Variants in PDZRN4 observed in about 807,000 individuals in gnomAD.
The protein encoded by PDZRN4 is PDZ domain-containing RING finger protein 4.
PDZRN4 carries 70 observed loss-of-function variants against 99.0 expected under a neutral mutation model. The observed-to-expected ratio is 0.71, with a 90% CI of 0.58 to 0.86. The LOEUF (loss-of-function observed/expected upper bound fraction) is 0.86. Among genes scored for constraint, PDZRN4 ranks in the 40% least tolerant of loss-of-function variants. The pLI, the probability that PDZRN4 is intolerant of heterozygous loss-of-function variation, is 0.00. For missense variants in PDZRN4, 1,474 were observed against 1,331.2 expected (o/e 1.11, Z -1.67); for synonymous variants, 551 against 501.6 (o/e 1.10, Z -1.32).
At chr12:41,296,871 T>C (rs1401471518) in intron 3 of PDZRN4, among the ~76,000 whole-genome samples, 2 of 152,018 alleles carry the variant, frequency 1.3e-5, no homozygotes, top group African/African-American at 4.8e-5. Flanking sequence ...GGTGGGAGGA[T>C]CACTTGAGCC....
chr12:41,189,127 G>T lies in PDZRN4; in HGVS notation c.648+24G>T, dbSNP rs1204264551. On this transcript the variant is annotated intron_variant, in intron 1 of 9. Coordinates refer to ENST00000402685, the MANE Select transcript of PDZRN4 (RefSeq NM_001164595.2). ...GGGTAAGCAAAGGGGGGTGGGCACCGCGGGCATGGTCGATTGGGGTGGGAA... is the reference window on the plus strand; with the variant it reads ...GGGTAAGCAAAGGGGGGTGGGCACCTCGGGCATGGTCGATTGGGGTGGGAA... 3.2e-6 allele frequency: 5 copies of T among 1,569,490 alleles called. No homozygotes were observed. The East Asian group carries it at 1.2e-4, about 36-fold the overall frequency.
intron 3 of PDZRN4, among the ~76,000 whole-genome samples, chr12:41,442,389 A>G (rs1248119372): frequency 6.6e-6 from 1 of 151,812 alleles, no homozygotes; most frequent in Non-Finnish European, 1.5e-5. Context: ...AATCTCTCCC[A>G]CCTTCGGACT....
rs760877122 is a variant in PDZRN4, at chr12:41,188,763, A to G, written c.308A>G (p.His103Arg). The G allele has an allele frequency of 9.0e-6, 13 of 1,449,884 alleles. No individual in the cohort carries two copies. The highest frequency in any genetic ancestry group is 1.5e-5 in the African/African-American group (1 of 68,034). 89.8% of individuals were successfully genotyped at this position (1,449,884 alleles called of 1,614,324 possible). The change falls in exon 1 of 10, where the codon CAC (histidine) becomes CGC (arginine). Residue 103 changes from histidine (H) to arginine (R), a missense_variant. His to Arg is a conservative substitution (Grantham distance 29). Coordinates refer to ENST00000402685, the MANE Select transcript of PDZRN4 (RefSeq NM_001164595.2). ...RLHELEAHVE[H>R]CDFGPARRLR... ...CACGAGCTGGAGGCGCACGTCGAGCACTGCGACTTCGGCCCTGCCCGCCGG... is the reference window on the plus strand; with the variant it reads ...CACGAGCTGGAGGCGCACGTCGAGCGCTGCGACTTCGGCCCTGCCCGCCGG...
At chr12:41,522,097 A>G (rs1311909562) in intron 5 of PDZRN4, among the ~76,000 whole-genome samples, 1 of 152,170 alleles carries the variant, frequency 6.6e-6, no homozygotes, top group Admixed American at 6.6e-5. Flanking sequence ...CCAAGTAAAG[A>G]CAGTTACAAA....
At chr12:41,349,279 G>A (rs1484939369) in intron 3 of PDZRN4, among the ~76,000 whole-genome samples, 1 of 151,744 alleles carries the variant, frequency 6.6e-6, no homozygotes, top group Non-Finnish European at 1.5e-5. Flanking sequence ...GAGACTATAA[G>A]AAGGGGAATT....
intron 5 of PDZRN4, among the ~76,000 whole-genome samples, chr12:41,516,391 T>C (rs1205102443): frequency 6.6e-6 from 1 of 152,078 alleles, no homozygotes; most frequent in Admixed American, 6.6e-5. Flanking sequence ...GCTACTATTC[T>C]TATTTTATAA....
At chr12:41,372,303 A>G (rs1326567019) in intron 3 of PDZRN4, among the ~76,000 whole-genome samples, 3 of 152,186 alleles carry the variant, frequency 2.0e-5, no homozygotes, top group Non-Finnish European at 4.4e-5. Flanking sequence ...ATGTATTTCT[A>G]CTATATGGTG....
intron 3 of PDZRN4, among the ~76,000 whole-genome samples, chr12:41,434,966 T>G (rs1194436475): frequency 6.6e-6 from 1 of 152,218 alleles, no homozygotes; most frequent in Non-Finnish European, 1.5e-5. Context: ...ACCATCATAT[T>G]CTAATGAAAT....
intron 3 of PDZRN4, among the ~76,000 whole-genome samples, chr12:41,336,119 C>A (rs1281021959): frequency 1.3e-5 from 2 of 152,104 alleles, no homozygotes; most frequent in African/African-American, 4.8e-5. Context: ...GGACGCAACA[C>A]AATCCATTAT....
At chr12:41,284,768 T>G (rs1951411609) in intron 3 of PDZRN4, among the ~76,000 whole-genome samples, 1 of 152,180 alleles carries the variant, frequency 6.6e-6, no homozygotes, top group Non-Finnish European at 1.5e-5. Context: ...AAGGATTCCA[T>G]GTTTAATAAA....
rs1951542929 is a variant in PDZRN4, at chr12:41,302,555, A to G, written c.843+108367A>G. On this transcript the variant is annotated intron_variant, in intron 3 of 9. Coordinates refer to ENST00000402685, the MANE Select transcript of PDZRN4 (RefSeq NM_001164595.2). ...CACATGCTCTTTATATACCTCTCAT[A>G]GACACTTAAATTGTTCTCTAGGGAG... Among the ~76,000 whole-genome samples, 16 of 152,284 alleles carry G rather than the reference A, an allele frequency of 1.1e-4. 1 individual carries two copies. The South Asian group carries it at 3.1e-3, about 30-fold the overall frequency.
intron 3 of PDZRN4, among the ~76,000 whole-genome samples, chr12:41,294,071 T>C (rs1238582194): frequency 6.6e-6 from 1 of 152,210 alleles, no homozygotes; most frequent in Non-Finnish European, 1.5e-5. Flanking sequence ...TTTGTTTTTG[T>C]TTCTTTTTTT....
chr12:41,205,022 ATTTTAT>A (rs1447848360), intron 3 of PDZRN4, among the ~76,000 whole-genome samples: 1 of 151,882 alleles, frequency 6.6e-6, no homozygotes, highest in Non-Finnish European at 1.5e-5. Flanking sequence ...TAATTATTTT[ATTTTAT>A]TTTTATGATT....
At chr12:41,425,401 AATT>A (rs1213016173) in intron 3 of PDZRN4, among the ~76,000 whole-genome samples, 2 of 151,662 alleles carry the variant, frequency 1.3e-5, no homozygotes, top group Non-Finnish European at 2.9e-5. Flanking sequence ...GGGCAGAGAA[AATT>A]CAAATATATT....
intron 3 of PDZRN4, among the ~76,000 whole-genome samples, chr12:41,469,075 G>A (rs1182135706): frequency 6.6e-6 from 1 of 152,054 alleles, no homozygotes; most frequent in Non-Finnish European, 1.5e-5. Flanking sequence ...CTTTTCTCAG[G>A]AGGTTACTGT....
chr12:41,208,871 T>C (rs1950868133), intron 3 of PDZRN4, among the ~76,000 whole-genome samples: 1 of 151,906 alleles, frequency 6.6e-6, no homozygotes, highest in South Asian at 2.1e-4. Context: ...TAAAAAATAT[T>C]GTTAGGGGAA....
At chr12:41,413,631 T>C (rs1387691513) in intron 3 of PDZRN4, among the ~76,000 whole-genome samples, 2 of 152,158 alleles carry the variant, frequency 1.3e-5, no homozygotes, top group Non-Finnish European at 2.9e-5. Context: ...TGTTTATTCA[T>C]TGTGTACTGA....
At chr12:41,416,842 T>C (rs1952449481) in intron 3 of PDZRN4, among the ~76,000 whole-genome samples, 2 of 152,188 alleles carry the variant, frequency 1.3e-5, no homozygotes, top group South Asian at 2.1e-4. Context: ...TATTCTTAGA[T>C]ACTGCAGCAG....
At chr12:41,198,353 C>T (rs1270536658) in intron 3 of PDZRN4, among the ~76,000 whole-genome samples, 3 of 152,032 alleles carry the variant, frequency 2.0e-5, no homozygotes, top group African/African-American at 7.2e-5. Context: ...CAGCTCCAGG[C>T]CAATGTTGTT....
Sources: gnomAD v4.1 joint callset for allele counts (sites outside exome capture counted in the v4.1 genomes callset) on GRCh38, gnomAD v4.1.1 for gene constraint, MANE v1.5 for transcripts, NCBI Gene and HGNC (gene_info 2026-07-23, HGNC 2026-07-21) for gene names.